Variants in NKAIN3 observed in about 807,000 individuals in gnomAD.
NKAIN3 encodes sodium/potassium-transporting ATPase subunit beta-1-interacting protein 3.
Under a neutral mutation model 30.2 loss-of-function variants are expected in NKAIN3, and 25 were observed. The ratio of observed to expected loss-of-function variants is 0.83; its 90% CI spans 0.60 to 1.16. The LOEUF (loss-of-function observed/expected upper bound fraction) is 1.16. Among genes scored for constraint, NKAIN3 ranks in the 50% most tolerant of loss-of-function variants. The pLI is 0.00. For synonymous variants in NKAIN3, 91 were observed against 89.6 expected (o/e 1.02, Z -0.09); for missense variants, 225 against 254.1 (o/e 0.89, Z 0.78).
At position 62,579,656 on chromosome 8, in the gene NKAIN3, A is replaced by C; in HGVS notation, c.172A>C (p.Arg58=). ...GGGTTTGTTTGGGACCATTCAGTAC[A>C]GACCTCGATACATAATGGTGGTAAG... ...ILGLFGTIQY[R]PRYIMVYTVW... is the part of the protein sequence containing the mutation. Residue 58 remains arginine, a synonymous_variant, in exon 2 of 7, where the codon AGA becomes CGA. Coordinates refer to ENST00000623646, the MANE Select transcript of NKAIN3 (RefSeq NM_001304533.3). 1 of 1,542,140 alleles carries C rather than the reference A, an allele frequency of 6.5e-7. No homozygotes were observed. Among genetic ancestry groups the C allele is most frequent in the Non-Finnish European group, 8.8e-7 (1 of 1,142,702 alleles).
chr8:62,296,439 A>G (rs1003954208), intron 1 of NKAIN3, among the ~76,000 whole-genome samples: 2 of 152,178 alleles, frequency 1.3e-5, no homozygotes, highest in Non-Finnish European at 2.9e-5. Context: ...ATGCTATGCC[A>G]ATAAACAGTT....
At chr8:62,723,090 C>T in intron 3 of NKAIN3, among the ~76,000 whole-genome samples, 1 of 152,034 alleles carries the variant, frequency 6.6e-6, no homozygotes, top group East Asian at 1.9e-4. Context: ...GGATTCAAAA[C>T]CAATCAGCTG....
At chr8:62,346,486 A>G (rs1467901311) in intron 1 of NKAIN3, among the ~76,000 whole-genome samples, 2 of 152,078 alleles carry the variant, frequency 1.3e-5, no homozygotes, top group Non-Finnish European at 2.9e-5. Flanking sequence ...AGCAAATCCT[A>G]TTTTTTGCAT....
intron 3 of NKAIN3, among the ~76,000 whole-genome samples, chr8:62,607,379 G>A (rs1251082460): frequency 6.6e-6 from 1 of 152,102 alleles, no homozygotes; most frequent in East Asian, 1.9e-4. Context: ...GTACAAATGG[G>A]CACTGTCATG....
At chr8:62,776,003 C>A (rs1817180941) in intron 4 of NKAIN3, among the ~76,000 whole-genome samples, 1 of 151,968 alleles carries the variant, frequency 6.6e-6, no homozygotes, top group African/African-American at 2.4e-5. Flanking sequence ...CTGAATTGAC[C>A]TCTTTATCAT....
intron 4 of NKAIN3, among the ~76,000 whole-genome samples, chr8:62,791,677 A>G (rs891519365): frequency 6.6e-6 from 1 of 152,068 alleles, no homozygotes; most frequent in Admixed American, 6.6e-5. Context: ...GTAAATGCCT[A>G]TTCCTCCCAT....
At chr8:62,280,685 T>G (rs2129396283) in intron 1 of NKAIN3, among the ~76,000 whole-genome samples, 2 of 152,334 alleles carry the variant, frequency 1.3e-5, no homozygotes, top group Non-Finnish European at 2.9e-5. Flanking sequence ...ATTTATTGAT[T>G]TGCATACGTT....
chr8:62,324,339 T>G (rs921628641), intron 1 of NKAIN3, among the ~76,000 whole-genome samples: 1 of 152,064 alleles, frequency 6.6e-6, no homozygotes, highest in Admixed American at 6.6e-5. Context: ...GCAGGGTCCC[T>G]AAATAGAAAC....
intron 3 of NKAIN3, among the ~76,000 whole-genome samples, chr8:62,645,373 G>T (rs1812430587): frequency 6.6e-6 from 1 of 152,066 alleles, no homozygotes; most frequent in Non-Finnish European, 1.5e-5. Flanking sequence ...CTATGTGAAT[G>T]ACAGAATTTA....
At chr8:62,653,694 A>G (rs1812689911) in intron 3 of NKAIN3, among the ~76,000 whole-genome samples, 1 of 152,136 alleles carries the variant, frequency 6.6e-6, no homozygotes, top group African/African-American at 2.4e-5. Flanking sequence ...AGCAGGGTCT[A>G]CAGAGGAAGA....
intron 1 of NKAIN3, among the ~76,000 whole-genome samples, chr8:62,515,922 T>A (rs1481449655): frequency 6.6e-6 from 1 of 152,176 alleles, no homozygotes; most frequent in African/African-American, 2.4e-5. Flanking sequence ...CCTGTCTTCT[T>A]GATTTGGGGG....
intron 3 of NKAIN3, among the ~76,000 whole-genome samples, chr8:62,608,069 G>T (rs1489881048): frequency 6.6e-6 from 1 of 152,204 alleles, no homozygotes; most frequent in East Asian, 1.9e-4. Context: ...CCTTATGTGT[G>T]TCATTGTTAG....
chr8:62,808,847 C>G (rs897835445), intron 4 of NKAIN3, among the ~76,000 whole-genome samples: 5 of 152,028 alleles, frequency 3.3e-5, no homozygotes, highest in Non-Finnish European at 5.9e-5. Flanking sequence ...TCAGGAGACA[C>G]GGTTTGAGAG....
chr8:62,361,174 T>A (rs1816549663), intron 1 of NKAIN3, among the ~76,000 whole-genome samples: 1 of 152,228 alleles, frequency 6.6e-6, no homozygotes, highest in African/African-American at 2.4e-5. Flanking sequence ...TGTGTTTGTT[T>A]ATTTAGTTTT....
rs992350694 is a variant in NKAIN3, at chr8:62,797,520, C to A, written c.471+50391C>A. Among the ~76,000 whole-genome samples, 9 of 152,276 alleles carry A rather than the reference C, an allele frequency of 5.9e-5. No homozygotes were observed. The South Asian group carries it at 1.7e-3, about 28-fold the overall frequency. On this transcript the variant is annotated intron_variant, in intron 4 of 6. Coordinates refer to ENST00000623646, the MANE Select transcript of NKAIN3 (RefSeq NM_001304533.3). ...TCCATTGTTTACCTGTGTCTCCTGC[C>A]AGACAGTGACCTCCCTCAGCTCGCA... is the stretch of plus-strand genomic sequence containing the variant.
chr8:62,509,534 C>T (rs548651386), intron 1 of NKAIN3, among the ~76,000 whole-genome samples: 3 of 152,130 alleles, frequency 2.0e-5, no homozygotes, highest in East Asian at 3.9e-4. Context: ...TAATGAAATG[C>T]GGCAGTGGTT....
chr8:62,389,163 T>G (rs1364185172), intron 1 of NKAIN3, among the ~76,000 whole-genome samples: 1 of 152,174 alleles, frequency 6.6e-6, no homozygotes, highest in Non-Finnish European at 1.5e-5. Context: ...AAATAAGAGC[T>G]GCAATGTCAT....
Position 62,592,234 on chromosome 8 carries a change from C to G in NKAIN3, c.273+2440C>G, listed in dbSNP as rs150207960. Reference sequence around the variant, plus strand: ...TTGCATTCATGGAGTGACAGCAATCCTGTCTTACCTGAAAGATAGTGAGCT... The same window carrying G: ...TTGCATTCATGGAGTGACAGCAATCGTGTCTTACCTGAAAGATAGTGAGCT... On this transcript the variant is annotated intron_variant, in intron 3 of 6. Transcript: ENST00000623646. Among the ~76,000 whole-genome samples, 461 of 152,086 alleles carry G rather than the reference C, an allele frequency of 3.0e-3. 1 individual carries two copies. Among genetic ancestry groups the G allele is most frequent in the African/African-American group, 0.011 (448 of 41,518 alleles).
chr8:62,297,537 G>T (rs192483606), intron 1 of NKAIN3, among the ~76,000 whole-genome samples: 5,327 of 152,030 alleles, frequency 0.035, 335 homozygotes, highest in African/African-American at 0.12. Context: ...CTTCTCAAAA[G>T]AAGACATTTA....
Sources: gnomAD v4.1 joint callset for allele counts (sites outside exome capture counted in the v4.1 genomes callset) on GRCh38, gnomAD v4.1.1 for gene constraint, MANE v1.5 for transcripts, NCBI Gene and HGNC (gene_info 2026-07-23, HGNC 2026-07-21) for gene names.